SLC11A2: variants seen among roughly 807,000 people sequenced by gnomAD.
SLC11A2 encodes the protein solute carrier family 11 member 2.
SLC11A2 carries 38 observed loss-of-function variants against 68.0 expected under a neutral mutation model. That is an observed-to-expected ratio of 0.56 (90% CI 0.43 to 0.73). SLC11A2 has a LOEUF of 0.73. Ranked by LOEUF, SLC11A2 falls within the 30% of genes least tolerant of loss-of-function variation. The pLI is 0.00. For missense variants in SLC11A2, 517 were observed against 690.5 expected (o/e 0.75, Z 2.82); for synonymous variants, 242 against 250.6 (o/e 0.97, Z 0.32).
upstream of SLC11A2, chr12:51,026,424 G>A (rs1445412017): frequency 2.1e-5 from 24 of 1,147,930 alleles, no homozygotes; most frequent in East Asian, 5.9e-5. Context: ...TCGACAGGAC[G>A]GCAGCCGCAC....
At chr12:50,990,713 G>C in intron 15 of SLC11A2, 82 bp downstream of exon 15, 1 of 1,440,858 alleles carries the variant, frequency 6.9e-7, no homozygotes, top group Middle Eastern at 2.2e-4. Flanking sequence ...CCCAGCCTGG[G>C]TCTGTTCATT....
chr12:50,963,717 A>C, the SLC11A2 span, among the ~76,000 whole-genome samples: 3 of 152,158 alleles, frequency 2.0e-5, no homozygotes, highest in African/African-American at 7.2e-5. Flanking sequence ...CAGACATAAG[A>C]AGAATTCGAC....
chr12:51,027,581 T>C (rs1318860618), upstream of SLC11A2, among the ~76,000 whole-genome samples: 4 of 152,118 alleles, frequency 2.6e-5, no homozygotes, highest in Non-Finnish European at 5.9e-5. Flanking sequence ...AATCCCACTC[T>C]ATCGCCAGTT....
At chr12:50,961,045 C>T in the SLC11A2 span, 5 of 1,613,326 alleles carry the variant, frequency 3.1e-6, no homozygotes, top group Non-Finnish European at 4.2e-6. Flanking sequence ...AATGTCAATT[C>T]ATCTTATTCA....
chr12:51,006,138 A>G (rs1172633233), intron 3 of SLC11A2: 2 of 170,166 alleles, frequency 1.2e-5, no homozygotes, highest in Non-Finnish European at 2.5e-5. Flanking sequence ...TGTCTCTACT[A>G]AAAATACAAA....
intron 3 of SLC11A2, 50 bp from the exon 4 acceptor site, chr12:51,005,486 T>G (rs1053333391): frequency 1.9e-6 from 3 of 1,609,066 alleles, no homozygotes; most frequent in Non-Finnish European, 2.5e-6. Flanking sequence ...ATTGAACTAC[T>G]GATATAATTG....
chr12:51,027,159 G>C, upstream of SLC11A2, among the ~76,000 whole-genome samples: 1 of 137,394 alleles, frequency 7.3e-6, no homozygotes, highest in East Asian at 2.2e-4. Flanking sequence ...TTGGAAACAA[G>C]AGCGAAAACT....
chr12:51,015,746 T>C (rs1943596542), intron 1 of SLC11A2, among the ~76,000 whole-genome samples: 1 of 152,204 alleles, frequency 6.6e-6, no homozygotes, highest in African/African-American at 2.4e-5. Context: ...ACAATTATGA[T>C]TAACATTGCT....
the SLC11A2 span, among the ~76,000 whole-genome samples, chr12:50,960,522 G>A: frequency 5.9e-5 from 9 of 152,082 alleles, no homozygotes; most frequent in African/African-American, 2.2e-4. Context: ...AATATTAAGG[G>A]CTCATTTTAA....
At chr12:51,008,709 G>T in intron 2 of SLC11A2, 85 bp from the exon 3 acceptor site, 1 of 1,086,672 alleles carries the variant, frequency 9.2e-7, no homozygotes, top group Non-Finnish European at 1.4e-6. Flanking sequence ...AAATTAAATA[G>T]TTTAATATCT....
chr12:51,017,711 A>T (rs891492691), intron 1 of SLC11A2, among the ~76,000 whole-genome samples: 1 of 152,204 alleles, frequency 6.6e-6, no homozygotes, highest in Non-Finnish European at 1.5e-5. Flanking sequence ...GCAATAGATA[A>T]TCAGAAGTCT....
chr12:50,972,999 C>T, the SLC11A2 span, among the ~76,000 whole-genome samples: 2 of 152,302 alleles, frequency 1.3e-5, no homozygotes, highest in Admixed American at 6.5e-5. Context: ...CTGCAAAGCT[C>T]GAACTGGGTG....
At chr12:51,008,300 G>C (rs1168243411) in intron 3 of SLC11A2, 176 bp downstream of exon 3, 1 of 568,988 alleles carries the variant, frequency 1.8e-6, no homozygotes, top group Admixed American at 2.8e-5. Flanking sequence ...AGATATAGAT[G>C]GGGTGTGTGT....
chr12:50,988,333 C>T lies in SLC11A2; in HGVS notation c.1678G>A (p.Val560Ile), dbSNP rs369107866. 11 of 1,613,982 alleles carry T rather than the reference C, an allele frequency of 6.8e-6. No homozygotes were observed. The highest frequency in any genetic ancestry group is 2.2e-5 in the East Asian group (1 of 44,876). ...GACAGACTAATCCAGTGTTATTTAACGTAGCCACGGGTGGCTTCTTCTGTC... is the reference window on the plus strand; with the variant it reads ...GACAGACTAATCCAGTGTTATTTAATGTAGCCACGGGTGGCTTCTTCTGTC... The part of the protein sequence containing the change: ...LLTEEATRGY[V>I]K Residue 560 changes from valine to isoleucine, a missense_variant, in exon 16 of 16, where the codon GTT becomes ATT. By Grantham distance (29) the Val-to-Ile change is conservative. Coordinates refer to ENST00000262052, the MANE Select transcript of SLC11A2 (RefSeq NM_000617.3).
rs1379036816 is a variant in SLC11A2 at position 51,012,583 on chromosome 12, C to T, written c.-38-1817G>A. On this transcript the variant is annotated intron_variant, in intron 1 of 15. Coordinates refer to ENST00000262052, the MANE Select transcript of SLC11A2 (RefSeq NM_000617.3). ...ATGAACAATCTTCTACTTGCTGTTT[C>T]AGGTTTTGGGTAATCTTTCTATCTA... Among the ~76,000 whole-genome samples the T allele has an allele frequency of 7.2e-5, 11 of 152,188 alleles. No homozygotes were observed. In the South Asian group the frequency reaches 8.3e-4, roughly 11 times the overall value.
At position 50,987,884 on chromosome 12, in the gene SLC11A2, ATT is replaced by A. The variant is rs779038580; in HGVS notation, c.*439_*440del. 1 of 1,270,058 alleles carries A rather than the reference ATT, an allele frequency of 7.9e-7. No individual in the cohort carries two copies. The allele number at this position is 1,270,058 out of a possible 1,614,324, so 78.7% of individuals were successfully genotyped here. On this transcript the variant is annotated 3_prime_UTR_variant, in exon 16 of 16. Transcript: ENST00000262052. ...AACTGAAAAGGTAGGTATAAGGAAA[ATT>A]TCTCAGCCTTTAAAAATCCATTACA... is the stretch of plus-strand genomic sequence containing the variant.
At chr12:50,980,425 G>A (rs1312913800), downstream of SLC11A2, 1 of 153,972 alleles carries the variant, frequency 6.5e-6, no homozygotes, top group African/African-American at 2.4e-5. Flanking sequence ...AAACCGGGGA[G>A]GTAGAGGTTA....
chr12:50,983,827 C>G (rs1382202108), downstream of SLC11A2, among the ~76,000 whole-genome samples: 1 of 151,922 alleles, frequency 6.6e-6, no homozygotes, highest in Admixed American at 6.6e-5. Flanking sequence ...AATTAGCTGG[C>G]CTTAGTGGTG....
the SLC11A2 span, among the ~76,000 whole-genome samples, chr12:50,966,873 C>T: frequency 3.3e-5 from 5 of 152,128 alleles, no homozygotes; most frequent in East Asian, 9.7e-4. Flanking sequence ...TCACAGGATT[C>T]GGGAGGCCAA....
Sources: allele counts gnomAD v4.1 joint callset (sites outside exome capture counted in the v4.1 genomes callset), GRCh38; gene constraint gnomAD v4.1.1; transcripts MANE v1.5; gene names NCBI Gene and HGNC (gene_info 2026-07-23, HGNC 2026-07-21).